The following ZG16B variants were observed in gnomAD, a reference collection of about 807,000 sequenced individuals.
ZG16B encodes pancreatic adenocarcinoma up-regulated factor.
In ZG16B, 8 loss-of-function variants were observed where a neutral mutation model predicts 7.0. The observed-to-expected ratio is 1.15, with a 90% CI of 0.68 to 2.08. The LOEUF (loss-of-function observed/expected upper bound fraction) is 2.08. ZG16B is among the 30% of genes most tolerant of loss of function. ZG16B has a pLI of 0.00. For synonymous variants in ZG16B, 92 were observed against 86.1 expected (o/e 1.07, Z -0.38); for missense variants, 232 against 211.0 (o/e 1.10, Z -0.62).
chr16:2,831,800 C>T lies in ZG16B; in HGVS notation c.160C>T (p.Gln54Ter). The T allele has an allele frequency of 1.2e-6, 2 of 1,610,700 alleles. No individual in the cohort carries two copies. Among genetic ancestry groups the T allele is most frequent in the Non-Finnish European group, 1.7e-6 (2 of 1,177,866 alleles). The change falls in exon 4 of 4, where the codon CAG (glutamine) becomes TAG (stop). Residue 54 changes from glutamine to a stop codon, truncating the protein, a stop_gained. Transcript: ENST00000382280. LOFTEE classifies it low-confidence loss of function (END_TRUNC). ...SVGLLLVKSV[Q>*]VKLGDSWDVK... is the part of the protein sequence containing the mutation. ...AAAGCTTTGCCTCTCTCCCAGTGTC[C>T]AGGTGAAACTTGGAGACTCCTGGGA...
At chr16:2,830,359 G>A (rs754056991) in intron 1 of ZG16B, 31 bp downstream of exon 1, 83 of 1,609,300 alleles carry the variant, frequency 5.2e-5, no homozygotes, top group South Asian at 4.5e-4. Context: ...GGTGGGGCCC[G>A]GCAAGGTCAC....
chr16:2,831,902 G>C lies in ZG16B; in HGVS notation c.262G>C (p.Val88Leu), dbSNP rs750748006. ...QPGEYITKVFVAFQAFLRGMV... is the reference protein window; with the variant it reads ...QPGEYITKVFLAFQAFLRGMV... ...AGGCGAATACATCACAAAAGTCTTT[G>C]TCGCCTTCCAAGCTTTCCTCCGGGG... The change falls in exon 4 of 4, where the codon GTC (valine) becomes CTC (leucine). Residue 88 changes from valine to leucine, a missense_variant. By Grantham distance (32) the Val-to-Leu change is conservative. Transcript: ENST00000382280. 1.2e-6 allele frequency: 2 copies of C among 1,614,156 alleles called. No homozygotes were observed. Among genetic ancestry groups the C allele is most frequent in the Non-Finnish European group, 1.7e-6 (2 of 1,180,030 alleles).
At position 2,831,933 on chromosome 16, in the gene ZG16B, T is replaced by C; in HGVS notation, c.293T>C (p.Val98Ala). 6.2e-7 allele frequency: 1 copy of C among 1,614,076 alleles called. No homozygotes were observed. The highest frequency in any genetic ancestry group is 8.5e-7 in the Non-Finnish European group (1 of 1,180,014). Residue 98 changes from valine (V) to alanine (A), a missense_variant, in exon 4 of 4, where the codon GTC becomes GCC. By Grantham distance (64) the Val-to-Ala change is moderately conservative (BLOSUM62 0). Transcript: ENST00000382280. Reference sequence around the variant, plus strand: ...TTCCAAGCTTTCCTCCGGGGTATGGTCATGTACACCAGCAAGGACCGCTAT... The same window carrying C: ...TTCCAAGCTTTCCTCCGGGGTATGGCCATGTACACCAGCAAGGACCGCTAT... ...VAFQAFLRGM[V>A]MYTSKDRYFY...
Position 2,832,196 on chromosome 16 carries a change from G to T in ZG16B, c.*37G>T, listed in dbSNP as rs12373. On this transcript the variant is annotated 3_prime_UTR_variant, in exon 4 of 4. Transcript: ENST00000382280. Reference sequence around the variant, plus strand: ...GGGCCATCCGAGCTGAGGCCATCTGGGTGGTGGTGGCTGATGGTACTGGAG... The same window carrying T: ...GGGCCATCCGAGCTGAGGCCATCTGTGTGGTGGTGGCTGATGGTACTGGAG... 1,073,586 of 1,590,174 alleles carry T rather than the reference G, an allele frequency of 0.68. 364,064 individuals are homozygous for T. The highest frequency in any genetic ancestry group is 0.72 in the Middle Eastern group (3,607 of 4,992).
rs1391733068 is a variant in ZG16B, at chr16:2,832,205, G to A, written c.*46G>A. The A allele has an allele frequency of 1.3e-6, 2 of 1,581,316 alleles. No homozygotes were observed. The highest frequency in any genetic ancestry group is 2.2e-5 in the East Asian group (1 of 44,482). Reference sequence around the variant, plus strand: ...GAGCTGAGGCCATCTGGGTGGTGGTGGCTGATGGTACTGGAGTAACTGAGT... The same window carrying A: ...GAGCTGAGGCCATCTGGGTGGTGGTAGCTGATGGTACTGGAGTAACTGAGT... On this transcript the variant is annotated 3_prime_UTR_variant, in exon 4 of 4. Coordinates refer to ENST00000382280, the MANE Select transcript of ZG16B (RefSeq NM_145252.3).
rs74947292 is a variant in ZG16B at position 2,830,934 on chromosome 16, G to A, written c.155+138G>A. The A allele has an allele frequency of 9.3e-3, 7,605 of 817,780 alleles. 366 individuals carry two copies. The highest frequency in any genetic ancestry group is 0.087 in the Admixed American group (3,714 of 42,706). 50.7% of individuals were successfully genotyped at this position (817,780 alleles called of 1,614,324 possible). ...CTACTGTCGATGCTTCCTGGCTCCC[G>A]CTGATGCTTCCTGGCTGGAGCGGAG... On this transcript the variant is annotated intron_variant, in intron 3 of 3. Coordinates refer to ENST00000382280, the MANE Select transcript of ZG16B (RefSeq NM_145252.3).
chr16:2,831,701 C>T (rs1376871697), intron 3 of ZG16B, 95 bp from the exon 4 acceptor site: 3 of 1,517,140 alleles, frequency 2.0e-6, no homozygotes, highest in Non-Finnish European at 2.7e-6. Flanking sequence ...GTGCTGGACT[C>T]TCTGCATCCC....
In ZG16B at chr16:2,830,869, G is replaced by A. The variant is rs2240614; in HGVS notation, c.155+73G>A. ...CCACAGTTTCAGGAACTCAGGGCAG[G>A]GGGTAAGCACCCGTGGCCACTTTTG... On this transcript the variant is annotated intron_variant, in intron 3 of 3. Transcript: ENST00000382280. The A allele has an allele frequency of 1.3e-5, 20 of 1,551,204 alleles. No homozygotes were observed. The South Asian group carries it at 1.8e-4, about 14-fold the overall frequency.
chr16:2,832,216 C>T lies in ZG16B; in HGVS notation c.*57C>T. 7 of 1,556,652 alleles carry T rather than the reference C, an allele frequency of 4.5e-6. No individual in the cohort carries two copies. The highest frequency in any genetic ancestry group is 5.2e-6 in the Non-Finnish European group (6 of 1,151,616). On this transcript the variant is annotated 3_prime_UTR_variant, in exon 4 of 4. Coordinates refer to ENST00000382280, the MANE Select transcript of ZG16B (RefSeq NM_145252.3). ...ATCTGGGTGGTGGTGGCTGATGGTA[C>T]TGGAGTAACTGAGTCGGGACGCTGA...
rs762582537 is a variant in ZG16B at position 2,831,837 on chromosome 16, G to A, written c.197G>A (p.Gly66Glu). The A allele has an allele frequency of 1.9e-6, 3 of 1,613,828 alleles. No individual in the cohort carries two copies. Among genetic ancestry groups the A allele is most frequent in the South Asian group, 2.2e-5 (2 of 91,078 alleles). The change falls in exon 4 of 4, where the codon GGA (glycine) becomes GAA (glutamate). Residue 66 changes from glycine (G) to glutamate (E), a missense_variant. By Grantham distance (98) the Gly-to-Glu change is moderately conservative (BLOSUM62 -2). Transcript: ENST00000382280. ...KLGDSWDVKL[G>E]ALGGNTQEVT... Reference sequence around the variant, plus strand: ...GGAGACTCCTGGGACGTGAAACTGGGAGCCTTAGGTGGGAATACCCAGGAA... The same window carrying A: ...GGAGACTCCTGGGACGTGAAACTGGAAGCCTTAGGTGGGAATACCCAGGAA...
At chr16:2,831,740 C>G (rs914391528) in intron 3 of ZG16B, 56 bp from the exon 4 acceptor site, 1 of 1,557,952 alleles carries the variant, frequency 6.4e-7, no homozygotes, top group Non-Finnish European at 8.7e-7. Context: ...GCTGAGGACC[C>G]GGGATGTGCT....
intron 3 of ZG16B, chr16:2,831,011 C>A: frequency 1.9e-6 from 1 of 535,734 alleles, no homozygotes; most frequent in Non-Finnish European, 3.4e-6. Context: ...CTCAACTCAA[C>A]CAAAAATGGC....
rs2069249692 is a variant in ZG16B, at chr16:2,830,736, A to AAG, written c.97_98dup (p.Asp33GlufsTer14). On this transcript the variant is annotated frameshift_variant, in exon 3 of 4. Transcript: ENST00000382280. LOFTEE classifies it high-confidence loss of function. Reference sequence around the variant, plus strand: ...GGAGGCAAGTATTTCAGCACCACTGAAGACTACGACCATGAAATCACAGGG... The same window carrying AAG: ...GGAGGCAAGTATTTCAGCACCACTGAAGAGACTACGACCATGAAATCACAGGG... 1 of 1,614,080 alleles carries AAG rather than the reference A, an allele frequency of 6.2e-7. No homozygotes were observed. The highest frequency in any genetic ancestry group is 1.1e-5 in the South Asian group (1 of 91,084).
chr16:2,830,957 G>C, intron 3 of ZG16B, 161 bp downstream of exon 3: 2 of 714,554 alleles, frequency 2.8e-6, no homozygotes, highest in Non-Finnish European at 4.6e-6. Context: ...GGCTGGAGCG[G>C]AGACGGTCAG....
At position 2,832,231 on chromosome 16, in the gene ZG16B, C is replaced by T. The variant is rs1326885268; in HGVS notation, c.*72C>T. 5.7e-5 allele frequency: 88 copies of T among 1,538,378 alleles called. No individual in the cohort carries two copies. Among genetic ancestry groups the T allele is most frequent in the Non-Finnish European group, 7.2e-5 (82 of 1,142,590 alleles). On this transcript the variant is annotated 3_prime_UTR_variant, in exon 4 of 4. Transcript: ENST00000382280. Reference sequence around the variant, plus strand: ...GCTGATGGTACTGGAGTAACTGAGTCGGGACGCTGAATCTGAATCCACCAA... The same window carrying T: ...GCTGATGGTACTGGAGTAACTGAGTTGGGACGCTGAATCTGAATCCACCAA...
chr16:2,831,023 CCT>C (rs922327163), intron 3 of ZG16B: 60 of 516,212 alleles, frequency 1.2e-4, no homozygotes, highest in African/African-American at 1.1e-3. Context: ...AAAAATGGCC[CCT>C]CTGTCCCCAT....
Position 2,832,075 on chromosome 16 carries a change from T to G in ZG16B, c.435T>G (p.Phe145Leu), listed in dbSNP as rs1314191473. 3.1e-6 allele frequency: 5 copies of G among 1,614,002 alleles called. No homozygotes were observed. Among genetic ancestry groups the G allele is most frequent in the East Asian group, 2.2e-5 (1 of 44,892 alleles). ...TCCTTGGCATCAAGAGCATTGGCTT[T>G]GAATGGAATTATCCACTAGAGGAGC... Reference protein sequence around the residue: ...YQLLGIKSIGFEWNYPLEEPT... With the variant: ...YQLLGIKSIGLEWNYPLEEPT... The change falls in exon 4 of 4, where the codon TTT becomes TTG. Residue 145 changes from phenylalanine (F) to leucine (L), a missense_variant. By Grantham distance (22) the Phe-to-Leu change is conservative. Coordinates refer to ENST00000382280, the MANE Select transcript of ZG16B (RefSeq NM_145252.3).
At chr16:2,830,828 C>T (rs1213944068) in intron 3 of ZG16B, 32 bp downstream of exon 3, 2 of 1,608,894 alleles carry the variant, frequency 1.2e-6, no homozygotes, top group Non-Finnish European at 1.7e-6. Flanking sequence ...GGCCCAGCGC[C>T]ATGTCCCCTC....
chr16:2,831,815 G>C lies in ZG16B; in HGVS notation c.175G>C (p.Asp59His). ...TCCCAGTGTCCAGGTGAAACTTGGA[G>C]ACTCCTGGGACGTGAAACTGGGAGC... ...LVKSVQVKLG[D>H]SWDVKLGALG... Residue 59 changes from aspartate to histidine, a missense_variant, in exon 4 of 4, where the codon GAC (aspartate) becomes CAC (histidine). Transcript: ENST00000382280. The C allele has an allele frequency of 6.2e-7, 1 of 1,612,478 alleles. No homozygotes were observed. Among genetic ancestry groups the C allele is most frequent in the South Asian group, 1.1e-5 (1 of 91,026 alleles).
Sources: allele counts gnomAD v4.1 joint callset, GRCh38; gene constraint gnomAD v4.1.1; transcripts MANE v1.5; gene names NCBI Gene and HGNC (gene_info 2026-07-23, HGNC 2026-07-21).